Variants in WWOX observed in about 807,000 individuals in gnomAD.
WWOX encodes WW domain-containing oxidoreductase.
WWOX carries 69 observed loss-of-function variants against 46.2 expected under a neutral mutation model. The ratio of observed to expected loss-of-function variants is 1.49; its 90% confidence interval spans 1.23 to 1.82. The LOEUF (loss-of-function observed/expected upper bound fraction) is 1.82. Among genes scored for constraint, WWOX ranks in the 40% most tolerant of loss-of-function variants. WWOX has a pLI of 0.00. For synonymous variants in WWOX, 359 were observed against 202.6 expected (o/e 1.77, Z -6.56); for missense variants, 919 against 542.6 (o/e 1.69, Z -6.89).
chr16:78,773,449 C>T (rs903187697), intron 8 of WWOX, among the ~76,000 whole-genome samples: 1 of 152,190 alleles, frequency 6.6e-6, no homozygotes, highest in Non-Finnish European at 1.5e-5. Context: ...CGGGACATTC[C>T]TCCCTCATTT....
chr16:78,550,411 G>T (rs565946641), intron 8 of WWOX, among the ~76,000 whole-genome samples: 1 of 152,348 alleles, frequency 6.6e-6, no homozygotes, highest in African/African-American at 2.4e-5. Flanking sequence ...GGGCATGGTT[G>T]TGTGACAATA....
intron 8 of WWOX, among the ~76,000 whole-genome samples, chr16:78,600,875 G>A (rs185522510): frequency 6.7e-4 from 102 of 152,234 alleles, no homozygotes; most frequent in African/African-American, 2.2e-3. Flanking sequence ...TCTGCCTATC[G>A]TGACAGGGAG....
chr16:79,052,724 A>T (rs1020405547), intron 8 of WWOX, among the ~76,000 whole-genome samples: 1 of 152,200 alleles, frequency 6.6e-6, no homozygotes, highest in African/African-American at 2.4e-5. Flanking sequence ...GTGTTCTCTC[A>T]TGGCAAAACT....
At chr16:78,926,490 C>T (rs1284844199) in intron 8 of WWOX, among the ~76,000 whole-genome samples, 8 of 152,118 alleles carry the variant, frequency 5.3e-5, no homozygotes, top group Admixed American at 5.2e-4. Context: ...TTTCTCCATC[C>T]TTGTCTTTGA....
At chr16:79,137,143 C>A (rs1247128041) in intron 8 of WWOX, among the ~76,000 whole-genome samples, 3 of 152,170 alleles carry the variant, frequency 2.0e-5, no homozygotes, top group Admixed American at 1.3e-4. Context: ...TGTTATGGAT[C>A]TCTGTAGCAG....
chr16:78,600,594 A>AG (rs969828300), intron 8 of WWOX, among the ~76,000 whole-genome samples: 26 of 152,280 alleles, frequency 1.7e-4, no homozygotes, highest in African/African-American at 6.3e-4. Flanking sequence ...AGAGAGGTGA[A>AG]GGACCCATCT....
chr16:79,128,904 C>T (rs2049817182), intron 8 of WWOX, among the ~76,000 whole-genome samples: 2 of 152,256 alleles, frequency 1.3e-5, no homozygotes, highest in East Asian at 3.9e-4. Context: ...CACGATCCCA[C>T]AACCCGCACA....
intron 8 of WWOX, among the ~76,000 whole-genome samples, chr16:78,750,785 G>A (rs576841601): frequency 6.6e-6 from 1 of 152,092 alleles, no homozygotes; most frequent in East Asian, 1.9e-4. Flanking sequence ...CAGGATAATG[G>A]CTTCAAGCTG....
intron 5 of WWOX, among the ~76,000 whole-genome samples, chr16:78,352,436 G>A (rs927268845): frequency 6.6e-6 from 1 of 152,182 alleles, no homozygotes; most frequent in African/African-American, 2.4e-5. Context: ...CTTCCTTGCT[G>A]TTTCCAGCTT....
intron 4 of WWOX, among the ~76,000 whole-genome samples, chr16:78,152,130 A>C (rs1029966358): frequency 1.5e-4 from 23 of 152,006 alleles, no homozygotes; most frequent in African/African-American, 2.7e-4. Flanking sequence ...GCGGAGCTTG[A>C]AGTGAGCCGA....
chr16:79,210,875 G>T (rs753554578), intron 8 of WWOX, among the ~76,000 whole-genome samples: 1 of 152,166 alleles, frequency 6.6e-6, no homozygotes, highest in Admixed American at 6.5e-5. Flanking sequence ...TGCACTCTTT[G>T]CAACTTACAT....
intron 8 of WWOX, among the ~76,000 whole-genome samples, chr16:78,720,966 C>T (rs774717627): frequency 8.5e-5 from 13 of 152,102 alleles, no homozygotes; most frequent in South Asian, 4.2e-4. Flanking sequence ...GCCAAGTGGA[C>T]GCTAATCACC....
chr16:78,663,410 G>T (rs2047261915), intron 8 of WWOX, among the ~76,000 whole-genome samples: 1 of 152,018 alleles, frequency 6.6e-6, no homozygotes, highest in Admixed American at 6.6e-5. Context: ...ATTATACTTT[G>T]TTTATCCATT....
intron 8 of WWOX, among the ~76,000 whole-genome samples, chr16:79,175,185 T>C (rs2150775684): frequency 6.6e-6 from 1 of 152,342 alleles, no homozygotes; most frequent in Admixed American, 6.5e-5. Flanking sequence ...ATTTTTAATA[T>C]GCCTCATTCT....
At chr16:78,786,782 A>G (rs559469304) in intron 8 of WWOX, among the ~76,000 whole-genome samples, 17 of 152,346 alleles carry the variant, frequency 1.1e-4, no homozygotes, top group South Asian at 2.1e-4. Flanking sequence ...AACATCTTCT[A>G]CATGCCAAGA....
chr16:78,615,259 G>A (rs2151635732), intron 8 of WWOX, among the ~76,000 whole-genome samples: 1 of 152,272 alleles, frequency 6.6e-6, no homozygotes, highest in South Asian at 2.1e-4. Context: ...GAGATCCTAA[G>A]TTTCAGGCTC....
At chr16:79,135,151 C>T (rs1445958780) in intron 8 of WWOX, among the ~76,000 whole-genome samples, 4 of 152,094 alleles carry the variant, frequency 2.6e-5, no homozygotes, top group African/African-American at 9.7e-5. Context: ...TCTTATACCT[C>T]CAAAATAACC....
chr16:78,527,990 C>CTTTTTT, intron 8 of WWOX, among the ~76,000 whole-genome samples: 1 of 57,950 alleles, frequency 1.7e-5, no homozygotes, highest in Admixed American at 2.6e-4. Context: ...TGGTACATGT[C>CTTTTTT]CTTTTTTTTT....
At chr16:78,937,474 T>TTTTTTA (rs1567661836) in intron 8 of WWOX, among the ~76,000 whole-genome samples, 1 of 139,634 alleles carries the variant, frequency 7.2e-6, no homozygotes, top group Non-Finnish European at 1.6e-5. Context: ...TTTTTTTTTT[T>TTTTTTA]AATAGCGATG....
Sources: gnomAD v4.1 joint callset for allele counts (sites outside exome capture counted in the v4.1 genomes callset) on GRCh38, gnomAD v4.1.1 for gene constraint, MANE v1.5 for transcripts, NCBI Gene and HGNC (gene_info 2026-07-23, HGNC 2026-07-21) for gene names.